The following LRP1B variants were observed in gnomAD, a reference collection of about 807,000 sequenced individuals.
The protein encoded by LRP1B is low-density lipoprotein receptor-related protein 1B.
A neutral mutation model predicts 556.6 loss-of-function variants in LRP1B; 217 were observed. The observed-to-expected ratio is 0.39, with a 90% CI of 0.35 to 0.44. The LOEUF (loss-of-function observed/expected upper bound fraction) is 0.44. Ranked by LOEUF, LRP1B falls within the 20% of genes least tolerant of loss-of-function variation. The probability of loss-of-function intolerance (pLI) is 1.00; values close to 1 mark genes in which losing one functional copy is unlikely to be tolerated. For missense variants in LRP1B, 5,053 were observed against 5,620.8 expected, an observed-to-expected ratio of 0.90 and a Z score of 3.23; for synonymous variants, 2,047 against 1,865.8, an observed-to-expected ratio of 1.10 and a Z score of -2.50.
chr2:140,306,287 C>T (rs1166286169), intron 83 of LRP1B, among the ~76,000 whole-genome samples: 1 of 151,864 alleles, frequency 6.6e-6, no homozygotes, highest in African/African-American at 2.4e-5. Flanking sequence ...TGGTCCTGTA[C>T]TTTTTTTGGT....
At chr2:141,277,854 C>A (rs958074834) in intron 3 of LRP1B, among the ~76,000 whole-genome samples, 1 of 151,256 alleles carries the variant, frequency 6.6e-6, no homozygotes, top group Non-Finnish European at 1.5e-5. Flanking sequence ...CAAGTGCTAC[C>A]CAAAGGGGCA....
At chr2:142,039,206 AT>A (rs889433335) in intron 1 of LRP1B, among the ~76,000 whole-genome samples, 20 of 151,446 alleles carry the variant, frequency 1.3e-4, no homozygotes, top group South Asian at 8.3e-4. Context: ...AATAATTGAA[AT>A]TTTTTTCATG....
At chr2:141,466,545 G>C (rs1221843738) in intron 3 of LRP1B, among the ~76,000 whole-genome samples, 1 of 152,120 alleles carries the variant, frequency 6.6e-6, no homozygotes, top group African/African-American at 2.4e-5. Context: ...CCTGATCAAT[G>C]GGATAAAGGT....
At chr2:140,940,510 C>T (rs1695367710) in intron 20 of LRP1B, among the ~76,000 whole-genome samples, 1 of 152,098 alleles carries the variant, frequency 6.6e-6, no homozygotes, top group Admixed American at 6.6e-5. Context: ...CTTTATTCTT[C>T]ATGTCCTTAT....
chr2:140,378,366 T>A, intron 67 of LRP1B, 80 bp from the exon 68 acceptor site: 1 of 718,734 alleles, frequency 1.4e-6, no homozygotes. Context: ...TGACATGAGG[T>A]AGCATTAAAG....
intron 66 of LRP1B, among the ~76,000 whole-genome samples, chr2:140,396,637 A>G (rs924302534): frequency 1.3e-5 from 2 of 152,298 alleles, no homozygotes; most frequent in Non-Finnish European, 2.9e-5. Flanking sequence ...AACAAATAGT[A>G]ACTAGTAAGA....
rs570167949 is a variant in LRP1B at position 140,655,724 on chromosome 2, C to G, written c.6799+44526G>C. The stretch of plus-strand genomic sequence containing the variant: ...TTGGGGGGCCGAGGCGGGTGGATCA[C>G]GAGGTCAGGAAATCGAAACCATCCT... On this transcript the variant is annotated intron_variant, in intron 41 of 90. Transcript: ENST00000389484. Among the ~76,000 whole-genome samples the G allele has an allele frequency of 3.3e-5, 5 of 152,236 alleles. No individual in the cohort carries two copies. In the East Asian group the frequency reaches 9.7e-4, roughly 29 times the overall value.
At chr2:142,016,910 G>A (rs12615817) in intron 1 of LRP1B, among the ~76,000 whole-genome samples, 1 of 148,866 alleles carries the variant, frequency 6.7e-6, no homozygotes, top group Non-Finnish European at 1.5e-5. Context: ...ACACATATAT[G>A]TATATATGTA....
intron 2 of LRP1B, among the ~76,000 whole-genome samples, chr2:141,765,639 G>A (rs1694710576): frequency 1.3e-5 from 2 of 152,204 alleles, no homozygotes; most frequent in South Asian, 4.1e-4. Flanking sequence ...CTGACATTTT[G>A]GCAGAAGAGT....
intron 1 of LRP1B, among the ~76,000 whole-genome samples, chr2:141,903,365 G>C (rs914968311): frequency 2.6e-5 from 4 of 151,812 alleles, no homozygotes; most frequent in Non-Finnish European, 5.9e-5. Context: ...TGGGCTTCCA[G>C]CTCTGAGGTC....
At chr2:140,361,695 C>G (rs1412760389) in intron 72 of LRP1B, among the ~76,000 whole-genome samples, 1 of 151,204 alleles carries the variant, frequency 6.6e-6, no homozygotes, top group Admixed American at 6.6e-5. Flanking sequence ...CACTTAGGGG[C>G]TTGTTGTCAC....
intron 3 of LRP1B, among the ~76,000 whole-genome samples, chr2:141,396,889 G>T (rs748968655): frequency 9.2e-5 from 14 of 151,854 alleles, no homozygotes; most frequent in Non-Finnish European, 1.9e-4. Context: ...TTGGGAGGTG[G>T]ATCAACTGAG....
chr2:141,511,684 G>A (rs546606170), intron 2 of LRP1B, among the ~76,000 whole-genome samples: 4 of 152,212 alleles, frequency 2.6e-5, no homozygotes, highest in East Asian at 3.9e-4. Flanking sequence ...TGCTCAGTGC[G>A]TAAACTACTC....
intron 1 of LRP1B, among the ~76,000 whole-genome samples, chr2:141,993,107 A>G (rs1234136655): frequency 1.3e-5 from 2 of 152,098 alleles, no homozygotes; most frequent in Non-Finnish European, 2.9e-5. Flanking sequence ...GGTACAGGGG[A>G]TTGCTTGCAT....
chr2:141,524,063 C>T (rs1447248083), intron 2 of LRP1B, among the ~76,000 whole-genome samples: 1 of 152,040 alleles, frequency 6.6e-6, no homozygotes, highest in East Asian at 1.9e-4. Context: ...ATCTCTGACT[C>T]CCCAAAGCAC....
chr2:140,456,692 C>A (rs180737836), intron 61 of LRP1B, 89 bp from the exon 62 acceptor site: 1 of 1,157,070 alleles, frequency 8.6e-7, no homozygotes, highest in Non-Finnish European at 1.2e-6. Context: ...TTTTAAGCTG[C>A]ATAACTTGAA....
chr2:140,772,071 C>T (rs955299090), intron 33 of LRP1B, among the ~76,000 whole-genome samples: 16 of 152,170 alleles, frequency 1.1e-4, no homozygotes, highest in African/African-American at 2.9e-4. Context: ...ACATTCGCTG[C>T]TCATGTCCTG....
At chr2:141,331,689 C>T (rs573620928) in intron 3 of LRP1B, among the ~76,000 whole-genome samples, 2 of 152,122 alleles carry the variant, frequency 1.3e-5, no homozygotes, top group South Asian at 4.1e-4. Context: ...CAAATCTTCT[C>T]CAGGGAGGAT....
At chr2:141,451,703 C>T (rs1056192080) in intron 3 of LRP1B, among the ~76,000 whole-genome samples, 10 of 152,234 alleles carry the variant, frequency 6.6e-5, no homozygotes, top group South Asian at 2.1e-4. Flanking sequence ...TCCTTTTCTA[C>T]TCTCTTATTG....
Sources: allele counts gnomAD v4.1 joint callset (sites outside exome capture counted in the v4.1 genomes callset), GRCh38; gene constraint gnomAD v4.1.1; transcripts MANE v1.5; gene names NCBI Gene and HGNC (gene_info 2026-07-23, HGNC 2026-07-21).